SCN9A: variants seen among roughly 807,000 people sequenced by gnomAD.
The protein encoded by SCN9A is sodium channel protein type 9 subunit alpha.
In SCN9A, 131 loss-of-function variants were observed where a neutral mutation model predicts 187.0. That is an observed-to-expected ratio of 0.70 (90% CI 0.61 to 0.81). The LOEUF (loss-of-function observed/expected upper bound fraction) is 0.81, where lower values mean the gene tolerates loss of function less well. SCN9A is among the 30% of genes least tolerant of loss of function. The pLI is 0.00. For synonymous variants in SCN9A, 809 were observed against 808.6 expected (o/e 1.00, Z -0.01); for missense variants, 2,252 against 2,396.6 (o/e 0.94, Z 1.26).
chr2:166,320,727 A>C (rs564580989), intron 1 of SCN9A, among the ~76,000 whole-genome samples: 2 of 152,328 alleles, frequency 1.3e-5, no homozygotes, highest in East Asian at 3.9e-4. Flanking sequence ...ACAACACAAA[A>C]TTAATGTTTT....
intron 1 of SCN9A, among the ~76,000 whole-genome samples, chr2:166,318,157 C>T (rs886507809): frequency 1.5e-4 from 23 of 152,082 alleles, no homozygotes; most frequent in African/African-American, 5.6e-4. Context: ...AGGTAGGACT[C>T]CTAGGGTATC....
chr2:166,270,973 T>C (rs913125919), intron 17 of SCN9A, among the ~76,000 whole-genome samples: 1 of 152,038 alleles, frequency 6.6e-6, no homozygotes, highest in Non-Finnish European at 1.5e-5. Context: ...CTCATAAAAG[T>C]AATTTGTAAT....
intron 24 of SCN9A, among the ~76,000 whole-genome samples, chr2:166,208,889 T>C (rs1473653371): frequency 6.6e-6 from 1 of 152,236 alleles, no homozygotes; most frequent in Non-Finnish European, 1.5e-5. Flanking sequence ...AATTTATCCA[T>C]CCTTTCTAGG....
chr2:166,317,433 C>G (rs963433638), intron 1 of SCN9A, among the ~76,000 whole-genome samples: 2 of 152,072 alleles, frequency 1.3e-5, no homozygotes, highest in African/African-American at 4.8e-5. Context: ...TTTCTCATTA[C>G]TATCTTACCC....
intron 1 of SCN9A, among the ~76,000 whole-genome samples, chr2:166,357,698 TA>T (rs1373207023): frequency 6.6e-6 from 1 of 152,214 alleles, no homozygotes; most frequent in South Asian, 2.1e-4. Flanking sequence ...TCATTAGATA[TA>T]CTTTCTATTT....
intron 6 of SCN9A, chr2:166,304,013 G>A: frequency 6.2e-7 from 1 of 1,608,988 alleles, no homozygotes; most frequent in Non-Finnish European, 8.5e-7. Flanking sequence ...CAGCCCTGGT[G>A]TTTAACCCCA....
chr2:166,306,412 T>C (rs1253157737), intron 4 of SCN9A, 98 bp downstream of exon 4: 1 of 743,616 alleles, frequency 1.3e-6, no homozygotes, highest in African/African-American at 1.7e-5. Flanking sequence ...AAGGTAAAGA[T>C]TCCCCATCTT....
intron 7 of SCN9A, among the ~76,000 whole-genome samples, chr2:166,296,669 C>T (rs1207600045): frequency 6.6e-6 from 1 of 152,116 alleles, no homozygotes; most frequent in Non-Finnish European, 1.5e-5. Context: ...CACTGCTATA[C>T]TACTGTATTT....
intron 7 of SCN9A, among the ~76,000 whole-genome samples, chr2:166,295,474 T>A (rs1039261071): frequency 1.3e-5 from 2 of 152,130 alleles, no homozygotes; most frequent in Non-Finnish European, 2.9e-5. Flanking sequence ...TATAGCCTAT[T>A]GCTCCTGGGC....
chr2:166,307,890 C>T (rs1698809206), intron 2 of SCN9A, among the ~76,000 whole-genome samples: 1 of 152,198 alleles, frequency 6.6e-6, no homozygotes, highest in Non-Finnish European at 1.5e-5. Flanking sequence ...CCTTATTTTT[C>T]TCCGGTTGGC....
chr2:166,211,312 A>G (rs868640317), intron 24 of SCN9A, among the ~76,000 whole-genome samples: 17 of 152,166 alleles, frequency 1.1e-4, no homozygotes, highest in African/African-American at 4.1e-4. Flanking sequence ...CTTTAAAATT[A>G]AGGAAGGATA....
At chr2:166,294,419 G>C (rs1698212862) in intron 8 of SCN9A, 180 bp downstream of exon 8, 1 of 458,818 alleles carries the variant, frequency 2.2e-6, no homozygotes, top group African/African-American at 2.0e-5. Context: ...TTGCTTTCAA[G>C]AGTATGCATT....
intron 1 of SCN9A, among the ~76,000 whole-genome samples, chr2:166,348,035 C>A (rs996574080): frequency 1.3e-5 from 2 of 152,240 alleles, no homozygotes; most frequent in Non-Finnish European, 1.5e-5. Flanking sequence ...AGGACCAAAC[C>A]TTTTTCCTAT....
intron 24 of SCN9A, among the ~76,000 whole-genome samples, chr2:166,211,694 AGTT>A (rs1257999474): frequency 4.6e-5 from 7 of 151,240 alleles, no homozygotes; most frequent in African/African-American, 1.2e-4. Context: ...ATTGAAGTTA[AGTT>A]GTTATCAGCT....
intron 24 of SCN9A, among the ~76,000 whole-genome samples, chr2:166,223,567 A>T (rs1394547598): frequency 6.6e-6 from 1 of 152,260 alleles, no homozygotes; most frequent in Non-Finnish European, 1.5e-5. Context: ...TTGCCAGGGC[A>T]TGAAAGGATG....
intron 17 of SCN9A, among the ~76,000 whole-genome samples, chr2:166,263,511 C>G (rs1696601712): frequency 6.6e-6 from 1 of 151,964 alleles, no homozygotes; most frequent in Admixed American, 6.6e-5. Context: ...ATTTATGATG[C>G]CACCAAATTA....
At chr2:166,349,265 C>A (rs1699976988) in intron 1 of SCN9A, among the ~76,000 whole-genome samples, 1 of 152,068 alleles carries the variant, frequency 6.6e-6, no homozygotes, top group Admixed American at 6.5e-5. Context: ...AGAAGGTAAT[C>A]AATAAATACT....
chr2:166,322,921 T>A (rs536489917), intron 1 of SCN9A, among the ~76,000 whole-genome samples: 1 of 152,232 alleles, frequency 6.6e-6, no homozygotes, highest in South Asian at 2.1e-4. Context: ...TAGGACATTA[T>A]TTATTTTGTA....
intron 20 of SCN9A, among the ~76,000 whole-genome samples, chr2:166,234,299 T>C (rs1695218610): frequency 6.6e-6 from 1 of 152,208 alleles, no homozygotes. Context: ...ATTAGTTCCA[T>C]GGAAAATATT....
Sources: allele counts gnomAD v4.1 joint callset (sites outside exome capture counted in the v4.1 genomes callset), GRCh38; gene constraint gnomAD v4.1.1; transcripts MANE v1.5; gene names NCBI Gene and HGNC (gene_info 2026-07-23, HGNC 2026-07-21).